INSYN2B: variants seen among roughly 807,000 people sequenced by gnomAD.
INSYN2B encodes inhibitory synaptic factor family member 2B.
Under a neutral mutation model 41.2 loss-of-function variants are expected in INSYN2B, and 16 were observed. That is an observed-to-expected ratio of 0.39 (90% CI 0.26 to 0.59). The LOEUF is 0.59. INSYN2B is among the 20% of genes least tolerant of loss of function. The pLI is 0.57. For missense variants in INSYN2B, 608 were observed against 646.4 expected (o/e 0.94, Z 0.64); for synonymous variants, 245 against 244.4 (o/e 1.00, Z -0.02).
chr5:169,871,558 G>A (rs113512681), intron 3 of INSYN2B, among the ~76,000 whole-genome samples: 120 of 152,272 alleles, frequency 7.9e-4, no homozygotes, highest in African/African-American at 2.5e-3. Context: ...TAAATATTCT[G>A]CCAAGGGCAT....
chr5:169,964,326 C>T (rs1777212661), intron 1 of INSYN2B, among the ~76,000 whole-genome samples: 1 of 152,166 alleles, frequency 6.6e-6, no homozygotes, highest in African/African-American at 2.4e-5. Flanking sequence ...TCCGCTCCCA[C>T]CCCCAAGCTC....
Position 169,883,538 on chromosome 5 carries a change from G to C in INSYN2B, c.361C>G (p.Leu121Val). ...KRKRLTASKS[L>V]VEMPTASQSA... ...TGGGAGGCTGTTGGCATTTCCACCA[G>C]GGACTTACTGGCTGTGAGTCTCTTC... Residue 121 changes from leucine (L) to valine (V), a missense_variant, in exon 2 of 4, where the codon CTG becomes GTG. Coordinates refer to ENST00000377365, the MANE Select transcript of INSYN2B (RefSeq NM_001129891.3). 1 of 1,551,648 alleles carries C rather than the reference G, an allele frequency of 6.4e-7. No individual in the cohort carries two copies. Among genetic ancestry groups the C allele is most frequent in the Non-Finnish European group, 8.7e-7 (1 of 1,146,966 alleles).
At chr5:169,869,444 G>C (rs933477826) in intron 3 of INSYN2B, among the ~76,000 whole-genome samples, 1 of 152,160 alleles carries the variant, frequency 6.6e-6, no homozygotes, top group East Asian at 1.9e-4. Context: ...TGTTTTTTAG[G>C]CCAAAGCAAT....
intron 1 of INSYN2B, among the ~76,000 whole-genome samples, chr5:169,924,701 C>G (rs957629469): frequency 6.6e-6 from 1 of 152,106 alleles, no homozygotes; most frequent in Non-Finnish European, 1.5e-5. Context: ...ATCTGAGAGG[C>G]TTTTTTTGAA....
At chr5:169,866,101 G>A (rs1259455000) in intron 3 of INSYN2B, among the ~76,000 whole-genome samples, 1 of 148,014 alleles carries the variant, frequency 6.8e-6, no homozygotes, top group Non-Finnish European at 1.5e-5. Flanking sequence ...AGGGGCGAGG[G>A]GGCCTGTTTT....
intron 3 of INSYN2B, chr5:169,875,510 C>G: frequency 3.1e-6 from 1 of 321,194 alleles, no homozygotes; most frequent in Non-Finnish European, 6.2e-6. Flanking sequence ...TGGAATCTGG[C>G]TTGTTGGAAG....
rs185624616 is a variant in INSYN2B, at chr5:169,980,468, C to T, written c.-1110G>A. 6.6e-5 allele frequency: 10 copies of T among 152,152 alleles called. No homozygotes were observed. Among genetic ancestry groups the T allele is most frequent in the Admixed American group, 3.3e-4 (5 of 15,280 alleles). The allele number at this position is 152,152 out of a possible 1,614,324, so 9.4% of individuals were successfully genotyped here. A position where few individuals can be genotyped will look rare whatever the true frequency, so the allele number is the denominator to read the frequency against. ...TAAATAAAAAGCCGAACAAACTGCTCGGCAGCTACCATGTGAAAAGAAAAG... is the reference window on the plus strand; with the variant it reads ...TAAATAAAAAGCCGAACAAACTGCTTGGCAGCTACCATGTGAAAAGAAAAG... On this transcript the variant is annotated 5_prime_UTR_variant, in exon 1 of 4. Coordinates refer to ENST00000377365, the MANE Select transcript of INSYN2B (RefSeq NM_001129891.3).
intron 1 of INSYN2B, among the ~76,000 whole-genome samples, chr5:169,939,151 A>G (rs1178705604): frequency 6.7e-5 from 10 of 150,062 alleles, no homozygotes; most frequent in East Asian, 2.0e-4. Flanking sequence ...TGATCCGCCC[A>G]CCTCAGCCTC....
chr5:169,969,111 C>T (rs1461471817), intron 1 of INSYN2B, among the ~76,000 whole-genome samples: 2 of 152,114 alleles, frequency 1.3e-5, no homozygotes, highest in Non-Finnish European at 2.9e-5. Flanking sequence ...GATCATGCCA[C>T]TGCACTCACC....
chr5:169,898,891 G>A (rs1274685736), intron 1 of INSYN2B, among the ~76,000 whole-genome samples: 1 of 152,086 alleles, frequency 6.6e-6, no homozygotes, highest in African/African-American at 2.4e-5. Flanking sequence ...AGAACCAGAT[G>A]GAAATGAGCA....
chr5:169,926,775 C>G (rs1157729725), intron 1 of INSYN2B, among the ~76,000 whole-genome samples: 1 of 152,188 alleles, frequency 6.6e-6, no homozygotes, highest in Admixed American at 6.5e-5. Flanking sequence ...ATTCATTTAG[C>G]AACTAGTTAC....
chr5:169,942,513 C>T (rs548884612), intron 1 of INSYN2B, among the ~76,000 whole-genome samples: 21 of 152,322 alleles, frequency 1.4e-4, no homozygotes, highest in African/African-American at 5.1e-4. Context: ...AATTTGAACT[C>T]ATTTGCAAGG....
chr5:169,960,166 C>A (rs564671005), intron 1 of INSYN2B, among the ~76,000 whole-genome samples: 1 of 152,254 alleles, frequency 6.6e-6, no homozygotes, highest in Non-Finnish European at 1.5e-5. Flanking sequence ...TTTATAAGTA[C>A]CCATGATAAA....
chr5:169,976,903 A>G (rs1777736342), intron 1 of INSYN2B, among the ~76,000 whole-genome samples: 1 of 152,210 alleles, frequency 6.6e-6, no homozygotes, highest in African/African-American at 2.4e-5. Context: ...TTTTCCTGTG[A>G]TGCTATGCCT....
chr5:169,923,484 CA>C (rs1775284001), intron 1 of INSYN2B, among the ~76,000 whole-genome samples: 1 of 15,068 alleles, frequency 6.6e-5, no homozygotes, highest in Non-Finnish European at 1.0e-4. Flanking sequence ...TGCACGTGGG[CA>C]CACACACACA....
At chr5:169,951,380 T>C (rs1776657654) in intron 1 of INSYN2B, among the ~76,000 whole-genome samples, 1 of 152,180 alleles carries the variant, frequency 6.6e-6, no homozygotes, top group Non-Finnish European at 1.5e-5. Flanking sequence ...ACACAACACA[T>C]GGTGGAGTCA....
At chr5:169,867,616 A>C (rs1168164883) in intron 3 of INSYN2B, among the ~76,000 whole-genome samples, 1 of 107,862 alleles carries the variant, frequency 9.3e-6, no homozygotes, top group Non-Finnish European at 1.9e-5. Flanking sequence ...ATCATGTATC[A>C]TTATCTATCA....
intron 1 of INSYN2B, among the ~76,000 whole-genome samples, chr5:169,933,393 A>G (rs1252990692): frequency 6.6e-6 from 1 of 152,218 alleles, no homozygotes; most frequent in Non-Finnish European, 1.5e-5. Flanking sequence ...CTGGCATCCA[A>G]GGTCCTTCTA....
At chr5:169,945,472 C>G (rs937402286) in intron 1 of INSYN2B, among the ~76,000 whole-genome samples, 1 of 152,352 alleles carries the variant, frequency 6.6e-6, no homozygotes, top group African/African-American at 2.4e-5. Context: ...TTACTTCGTG[C>G]CTGGCACAGT....
Sources: allele counts gnomAD v4.1 joint callset (sites outside exome capture counted in the v4.1 genomes callset), GRCh38; gene constraint gnomAD v4.1.1; transcripts MANE v1.5; gene names NCBI Gene and HGNC (gene_info 2026-07-23, HGNC 2026-07-21).